TRANK1: variants seen among roughly 807,000 people sequenced by gnomAD.
TRANK1 encodes tetratricopeptide repeat and ankyrin repeat containing 1.
A neutral mutation model predicts 266.0 loss-of-function variants in TRANK1; 198 were observed. The observed-to-expected ratio is 0.74, with a 90% confidence interval of 0.66 to 0.84. The LOEUF (loss-of-function observed/expected upper bound fraction) is 0.84. TRANK1 is among the 40% of genes least tolerant of loss of function. TRANK1 has a pLI of 0.00. For missense variants in TRANK1, 3,326 were observed against 3,634.6 expected (o/e 0.92, Z 2.18); for synonymous variants, 1,396 against 1,384.1 (o/e 1.01, Z -0.19).
rs146551879 is a variant in TRANK1 at position 36,885,377 on chromosome 3, T to A, written c.907+4452A>T. On this transcript the variant is annotated intron_variant, in intron 8 of 23. Transcript: ENST00000645898. The stretch of plus-strand genomic sequence containing the variant: ...ATAGATAGTCTACCAAATAACTGAC[T>A]ACTACTCTCTGAAAGGGTCAAGGTA... 5.3e-5 allele frequency among the ~76,000 whole-genome samples: 8 copies of A among 152,286 alleles called. No individual in the cohort carries two copies. In the East Asian group the frequency reaches 1.5e-3, roughly 29 times the overall value.
At chr3:36,866,278 G>A (rs1283669870) in intron 9 of TRANK1, among the ~76,000 whole-genome samples, 2 of 152,210 alleles carry the variant, frequency 1.3e-5, no homozygotes, top group Non-Finnish European at 2.9e-5. Context: ...GCACTATCAT[G>A]GTTGTGAAGA....
In TRANK1 at chr3:36,831,801, T is replaced by C; in HGVS notation, c.7782A>G (p.Ser2594=). ...AGTCCATGCTCATGAGCTGCAGCCTTGACTCAATCTCCCGGAAGTGGCGAT... is the reference window on the plus strand; with the variant it reads ...AGTCCATGCTCATGAGCTGCAGCCTCGACTCAATCTCCCGGAAGTGGCGAT... The part of the protein sequence containing the change: ...LLYRHFREIE[S]RLQLMSMDCP... The change falls in exon 22 of 24, where the codon TCA becomes TCG. Residue 2594 remains serine, a synonymous_variant. Transcript: ENST00000645898. The surrounding 1 kb of genome is among the most constrained non-coding windows in gnomAD (Gnocchi z 5.0). The C allele has an allele frequency of 6.2e-7, 1 of 1,613,922 alleles. No homozygotes were observed. Among genetic ancestry groups the C allele is most frequent in the Non-Finnish European group, 8.5e-7 (1 of 1,179,884 alleles).
chr3:36,840,797 A>G (rs867843370), intron 18 of TRANK1, among the ~76,000 whole-genome samples: 1 of 152,196 alleles, frequency 6.6e-6, no homozygotes, highest in African/African-American at 2.4e-5. Context: ...AGACATGCCC[A>G]GCTGACTGCA....
Position 36,855,205 on chromosome 3 carries a change from T to C in TRANK1, c.4517A>G (p.His1506Arg), listed in dbSNP as rs1417592763. 1 of 1,613,136 alleles carries C rather than the reference T, an allele frequency of 6.2e-7. No homozygotes were observed. The highest frequency in any genetic ancestry group is 8.5e-7 in the Non-Finnish European group (1 of 1,179,170). ...GGACCTGTAATTCTGGTACAGCTGG[T>C]GGATCTTCTTGGGCTTCCGGACAGC... Reference protein sequence around the residue: ...QCAVRKPKKIHQLYQNYRSHS... With the variant: ...QCAVRKPKKIRQLYQNYRSHS... Residue 1506 changes from histidine (H) to arginine (R), a missense_variant, in exon 13 of 24, where the codon CAC becomes CGC. His to Arg is a conservative substitution (Grantham distance 29, BLOSUM62 0). Transcript: ENST00000645898.
At chr3:36,891,213 G>T (rs867820420) in intron 7 of TRANK1, among the ~76,000 whole-genome samples, 1 of 152,048 alleles carries the variant, frequency 6.6e-6, no homozygotes, top group Admixed American at 6.6e-5. Flanking sequence ...GGTGGCGGGG[G>T]CCTGTAATCC....
rs1249907481 is a variant in TRANK1, at chr3:36,831,429, G to A, written c.8154C>T (p.Ser2718=). ...ATGCCCTCCTCAACTTCCGCTGTATGGAGGCCTTCCGTTGCTTTTGGGAAA... is the reference window on the plus strand; with the variant it reads ...ATGCCCTCCTCAACTTCCGCTGTATAGAGGCCTTCCGTTGCTTTTGGGAAA... ...TILSQKQRKA[S]IQRKLRRACL... Residue 2718 remains serine (S), a synonymous_variant, in exon 22 of 24, where the codon TCC becomes TCT. Coordinates refer to ENST00000645898, the MANE Select transcript of TRANK1 (RefSeq NM_001329998.2). This position sits in a 1 kb window ranked among gnomAD's most constrained non-coding sequence, Gnocchi z 5.0. 6.2e-7 allele frequency: 1 copy of A among 1,612,930 alleles called. No individual in the cohort carries two copies. Among genetic ancestry groups the A allele is most frequent in the African/African-American group, 1.3e-5 (1 of 74,880 alleles).
chr3:36,869,704 G>A (rs991659739), intron 9 of TRANK1, among the ~76,000 whole-genome samples: 3 of 152,176 alleles, frequency 2.0e-5, no homozygotes, highest in Non-Finnish European at 4.4e-5. Context: ...ACACCTTCTG[G>A]GAGCTAAAGT....
rs559075954 is a variant in TRANK1, at chr3:36,933,402, T to A, written c.23+11385A>T. On this transcript the variant is annotated intron_variant, in intron 1 of 23. Coordinates refer to ENST00000645898, the MANE Select transcript of TRANK1 (RefSeq NM_001329998.2). ...GAATCCTCTGTTTGAGTGTTCAATC[T>A]CCTTAGGATTTTGAATGTTATTCCC... is the stretch of plus-strand genomic sequence containing the variant. Among the ~76,000 whole-genome samples the A allele has an allele frequency of 2.0e-5, 3 of 152,374 alleles. 1 individual carries two copies. The highest frequency in any genetic ancestry group is 4.1e-4 in the South Asian group (2 of 4,830).
At chr3:36,859,106 G>A (rs1171582632) in intron 11 of TRANK1, among the ~76,000 whole-genome samples, 1 of 152,060 alleles carries the variant, frequency 6.6e-6, no homozygotes. Context: ...CCTGTCTGGG[G>A]GCCTCACCCC....
Position 36,838,651 on chromosome 3 carries a change from G to A in TRANK1, c.5346C>T (p.Asp1782=), listed in dbSNP as rs1417221037. Residue 1782 remains aspartate (D), a synonymous_variant, in exon 19 of 24, where the codon GAC becomes GAT. Transcript: ENST00000645898. ...TCTTGGATTTCATGCTCAGGGCAGT[G>A]TCATGGGCCAGGGCCAACTTCTCCT... is the stretch of plus-strand genomic sequence containing the variant. ...FEKEKLALAH[D]TALSMKSKKV... 6.2e-6 allele frequency: 10 copies of A among 1,613,976 alleles called. No homozygotes were observed. The highest frequency in any genetic ancestry group is 8.5e-6 in the Non-Finnish European group (10 of 1,179,884).
At chr3:36,863,103 T>C (rs2079167460) in intron 10 of TRANK1, among the ~76,000 whole-genome samples, 1 of 151,832 alleles carries the variant, frequency 6.6e-6, no homozygotes, top group East Asian at 1.9e-4. Context: ...GGGAGAGACC[T>C]TCAAGAAAGG....
At chr3:36,892,872 G>T (rs7632348) in intron 6 of TRANK1, 29 bp downstream of exon 6, 27,327 of 590,902 alleles carry the variant, frequency 0.046, 752 homozygotes, top group Admixed American at 0.066. Context: ...TATATATATA[G>T]ATATATATAG....
chr3:36,840,407 T>C (rs1321523130), intron 18 of TRANK1, among the ~76,000 whole-genome samples: 2 of 152,218 alleles, frequency 1.3e-5, no homozygotes, highest in Admixed American at 6.5e-5. Flanking sequence ...TACAATAGCA[T>C]AAATTGTACT....
chr3:36,830,880 C>T lies in TRANK1; in HGVS notation c.8703G>A (p.Trp2901Ter). ...MVEDLYRRKAWAGAEEAMTRL... is the reference protein window; with the variant it reads ...MVEDLYRRKA The stretch of plus-strand genomic sequence containing the variant: ...ATCTCTGCAGACCCTTACCGCCAGC[C>T]CAGGCCTTCCGCCTGTAGAGGTCCT... Residue 2901 changes from tryptophan (W) to a stop codon, truncating the protein, a stop_gained, in exon 22 of 24, where the codon TGG (tryptophan) becomes TGA (stop). Transcript: ENST00000645898. LOFTEE classifies it high-confidence loss of function. 1 of 1,602,726 alleles carries T rather than the reference C, an allele frequency of 6.2e-7. No homozygotes were observed. The highest frequency in any genetic ancestry group is 8.5e-7 in the Non-Finnish European group (1 of 1,172,428).
intron 3 of TRANK1, among the ~76,000 whole-genome samples, chr3:36,900,505 G>A (rs2079858849): frequency 6.6e-6 from 1 of 152,062 alleles, no homozygotes; most frequent in Admixed American, 6.6e-5. Flanking sequence ...CTCTTGAATG[G>A]GAATAAAATG....
Position 36,831,885 on chromosome 3 carries a change from G to C in TRANK1, c.7698C>G (p.Cys2566Trp). 1.2e-6 allele frequency: 2 copies of C among 1,613,996 alleles called. No individual in the cohort carries two copies. Among genetic ancestry groups the C allele is most frequent in the Middle Eastern group, 1.6e-4 (1 of 6,062 alleles). Residue 2566 changes from cysteine (C) to tryptophan (W), a missense_variant, in exon 22 of 24, where the codon TGC becomes TGG. Physicochemically the swap from Cys to Trp is radical, Grantham distance 215 (BLOSUM62 -2). Transcript: ENST00000645898. This position sits in a 1 kb window ranked among gnomAD's most constrained non-coding sequence, Gnocchi z 5.0. ...CCTCAGCATTCACTAGCATCACCAA[G>C]CACAGCACCAGTGTCCGCTCAGCCT... Reference protein sequence around the residue: ...SGEAERTLVLCLVMLVNAEEI... With the variant: ...SGEAERTLVLWLVMLVNAEEI...
intron 8 of TRANK1, among the ~76,000 whole-genome samples, chr3:36,884,786 A>G (rs923551070): frequency 3.9e-5 from 6 of 152,078 alleles, no homozygotes. Context: ...CACAAAAATT[A>G]GCTGAGCATG....
intron 1 of TRANK1, among the ~76,000 whole-genome samples, chr3:36,938,130 T>C (rs747908806): frequency 6.6e-5 from 10 of 152,170 alleles, no homozygotes; most frequent in Non-Finnish European, 1.2e-4. Context: ...CAATCTCCCA[T>C]GGACAAGGAC....
intron 1 of TRANK1, among the ~76,000 whole-genome samples, chr3:36,941,565 G>C (rs532059481): frequency 6.6e-6 from 1 of 152,340 alleles, no homozygotes; most frequent in East Asian, 1.9e-4. Flanking sequence ...TGTCTGCTCT[G>C]GCAGAATGAA....
Sources: allele counts gnomAD v4.1 joint callset (sites outside exome capture counted in the v4.1 genomes callset), GRCh38; gene constraint gnomAD v4.1.1; non-coding constraint Gnocchi (gnomAD v3.1); transcripts MANE v1.5; gene names NCBI Gene and HGNC (gene_info 2026-07-23, HGNC 2026-07-21).